SRRM2: variants seen among roughly 807,000 people sequenced by gnomAD.
SRRM2 encodes serine/arginine repetitive matrix protein 2.
Under a neutral mutation model 213.8 loss-of-function variants are expected in SRRM2, and 30 were observed. The observed-to-expected ratio is 0.14, with a 90% CI of 0.10 to 0.19. SRRM2 has a LOEUF of 0.19. Among genes scored for constraint, SRRM2 ranks in the 10% least tolerant of loss-of-function variants. SRRM2 has a pLI of 1.00. For missense variants in SRRM2, 4,904 were observed against 3,647.0 expected (o/e 1.34, Z -8.88); for synonymous variants, 2,025 against 1,377.7 (o/e 1.47, Z -10.40).
chr16:2,762,147 C>A lies in SRRM2; in HGVS notation c.1619C>A (p.Pro540Gln), dbSNP rs1283665046. ...RRGRSRSPQR[P>Q]GWSRSRNTQR... ...GGCCGCTCTAGGTCTCCTCAGCGAC[C>A]AGGCTGGTCTAGGAGCAGAAATACC... The change falls in exon 11 of 15, where the codon CCA becomes CAA. Residue 540 changes from proline to glutamine, a missense_variant. Physicochemically the swap from Pro to Gln is moderately conservative, Grantham distance 76. Coordinates refer to ENST00000301740, the MANE Select transcript of SRRM2 (RefSeq NM_016333.4). 1.2e-6 allele frequency: 2 copies of A among 1,614,084 alleles called. No homozygotes were observed. Among genetic ancestry groups the A allele is most frequent in the Non-Finnish European group, 1.7e-6 (2 of 1,180,044 alleles).
At position 2,765,194 on chromosome 16, in the gene SRRM2, A is replaced by G. The variant is rs1416537082; in HGVS notation, c.4666A>G (p.Arg1556Gly). ...GAAACCCAGTGCATCCCCTCAGGAA[A>G]GAAGTGAGTCAGACTCTTCTCCAGA... Reference protein sequence around the residue: ...DVKPSASPQERSESDSSPDSK... With the variant: ...DVKPSASPQEGSESDSSPDSK... Residue 1556 changes from arginine (R) to glycine (G), a missense_variant, in exon 11 of 15, where the codon AGA becomes GGA. Coordinates refer to ENST00000301740, the MANE Select transcript of SRRM2 (RefSeq NM_016333.4). 4 of 1,614,220 alleles carry G rather than the reference A, an allele frequency of 2.5e-6. No homozygotes were observed. In the Middle Eastern group the frequency reaches 4.9e-4, roughly 200 times the overall value.
Position 2,752,857 on chromosome 16 carries a change from G to C in SRRM2, c.-32+11G>C, listed in dbSNP as rs556359136. 3.1e-3 allele frequency: 734 copies of C among 233,572 alleles called. 1 individual carries two copies. The highest frequency in any genetic ancestry group is 0.017 in the African/African-American group (706 of 42,148). 14.5% of individuals were successfully genotyped at this position (233,572 alleles called of 1,614,324 possible). On this transcript the variant is annotated intron_variant, in intron 1 of 14. Transcript: ENST00000301740. Reference sequence around the variant, plus strand: ...GGGCGGAGGCGGCGGGTGAGAGGGTGAGGGAGCCAGCGAGCCGGGTGGGGG... The same window carrying C: ...GGGCGGAGGCGGCGGGTGAGAGGGTCAGGGAGCCAGCGAGCCGGGTGGGGG...
In SRRM2 at chr16:2,769,134, C is replaced by T. The variant is rs751806765; in HGVS notation, c.7871C>T (p.Ser2624Phe). The T allele has an allele frequency of 3.7e-6, 6 of 1,613,358 alleles. No homozygotes were observed. The highest frequency in any genetic ancestry group is 1.7e-4 in the Middle Eastern group (1 of 6,056). The change falls in exon 12 of 15, where the codon TCC becomes TTC. Residue 2624 changes from serine to phenylalanine, a missense_variant. Transcript: ENST00000301740. The part of the protein sequence containing the change: ...SSSSSSSSSS[S>F]SSSSSSSSSS... ...TCTTCATCTTCCTCCTCCTCCTCCT[C>T]CTCCTCTTCTTCCTCCTCCTCTTCC... is the stretch of plus-strand genomic sequence containing the variant.
rs773413323 is a variant in SRRM2, at chr16:2,765,886, A to G, written c.5358A>G (p.Arg1786=). Residue 1786 remains arginine, a synonymous_variant, in exon 11 of 15, where the codon CGA becomes CGG. Transcript: ENST00000301740. ...GGAGAGAGAAAACAAGAACAACCCG[A>G]CGTCGAGATAGGTCTGGATCTTCTC... is the stretch of plus-strand genomic sequence containing the variant. The part of the protein sequence containing the change: ...RSRREKTRTT[R]RRDRSGSSQS... 1.5e-5 allele frequency: 24 copies of G among 1,613,932 alleles called. No homozygotes were observed. In the South Asian group the frequency reaches 2.1e-4, roughly 14 times the overall value.
Position 2,766,302 on chromosome 16 carries a change from C to G in SRRM2, c.5774C>G (p.Ser1925Cys). 6.2e-7 allele frequency: 1 copy of G among 1,614,168 alleles called. No homozygotes were observed. Among genetic ancestry groups the G allele is most frequent in the Non-Finnish European group, 8.5e-7 (1 of 1,180,022 alleles). ...CCAGTGAGCAGAAGGCGATCCAGAT[C>G]CAGAACGCCACCAGTAACCCGCCGT... ...ASPVSRRRSR[S>C]RTPPVTRRRS... Residue 1925 changes from serine to cysteine, a missense_variant, in exon 11 of 15, where the codon TCC becomes TGC. Coordinates refer to ENST00000301740, the MANE Select transcript of SRRM2 (RefSeq NM_016333.4). The surrounding 1 kb of genome is among the most constrained non-coding windows in gnomAD (Gnocchi z 7.0).
In SRRM2 at chr16:2,764,076, A is replaced by G. The variant is rs549658396; in HGVS notation, c.3548A>G (p.Gln1183Arg). The change falls in exon 11 of 15, where the codon CAG becomes CGG. Residue 1183 changes from glutamine to arginine, a missense_variant. Transcript: ENST00000301740. ...GATGCTACTGCATCACCTCCTAGAC[A>G]GAAAGACAAATTTAGTCCCTTTCCA... ...QEDATASPPR[Q>R]KDKFSPFPVQ... 2 of 1,614,158 alleles carry G rather than the reference A, an allele frequency of 1.2e-6. No individual in the cohort carries two copies. The highest frequency in any genetic ancestry group is 3.3e-5 in the Admixed American group (2 of 60,026).
At position 2,764,063 on chromosome 16, in the gene SRRM2, T is replaced by C; in HGVS notation, c.3535T>C (p.Ser1179Pro). Residue 1179 changes from serine (S) to proline (P), a missense_variant, in exon 11 of 15, where the codon TCA (serine) becomes CCA (proline). Coordinates refer to ENST00000301740, the MANE Select transcript of SRRM2 (RefSeq NM_016333.4). The part of the protein sequence containing the change: ...ALPPQEDATA[S>P]PPRQKDKFSP... ...ACCCCCTCAGGAGGATGCTACTGCA[T>C]CACCTCCTAGACAGAAAGACAAATT... 1.2e-6 allele frequency: 2 copies of C among 1,614,086 alleles called. No homozygotes were observed. Among genetic ancestry groups the C allele is most frequent in the East Asian group, 2.2e-5 (1 of 44,882 alleles).
rs749532006 is a variant in SRRM2 at position 2,766,596 on chromosome 16, C to G, written c.6068C>G (p.Pro2023Arg). 2 of 1,614,058 alleles carry G rather than the reference C, an allele frequency of 1.2e-6. No homozygotes were observed. Among genetic ancestry groups the G allele is most frequent in the Admixed American group, 3.3e-5 (2 of 60,014 alleles). ...VTRRRSRSRTPPAIRRRSRSR... is the reference protein window; with the variant it reads ...VTRRRSRSRTRPAIRRRSRSR... ...CGCCGCCGCTCTAGGTCCCGGACAC[C>G]TCCAGCTATTCGGCGCCGCTCTAGA... is the stretch of plus-strand genomic sequence containing the variant. The change falls in exon 11 of 15, where the codon CCT becomes CGT. Residue 2023 changes from proline (P) to arginine (R), a missense_variant. By Grantham distance (103) the Pro-to-Arg change is moderately radical. Transcript: ENST00000301740. This position sits in a 1 kb window ranked among gnomAD's most constrained non-coding sequence, Gnocchi z 7.0.
In SRRM2 at chr16:2,763,410, C is replaced by G. The variant is rs780782115; in HGVS notation, c.2882C>G (p.Ser961Cys). ...RSVSPCSNVE[S>C]RLLPRYSHSG... is the part of the protein sequence containing the mutation. Reference sequence around the variant, plus strand: ...GTATCTCCCTGCTCCAATGTGGAATCCAGATTGTTGCCAAGATACAGTCAT... The same window carrying G: ...GTATCTCCCTGCTCCAATGTGGAATGCAGATTGTTGCCAAGATACAGTCAT... The change falls in exon 11 of 15, where the codon TCC becomes TGC. Residue 961 changes from serine (S) to cysteine (C), a missense_variant. Transcript: ENST00000301740. 6 of 1,614,230 alleles carry G rather than the reference C, an allele frequency of 3.7e-6. No homozygotes were observed. Among genetic ancestry groups the G allele is most frequent in the Non-Finnish European group, 4.2e-6 (5 of 1,180,042 alleles).
At chr16:2,756,230 C>T (rs1214858936) in intron 1 of SRRM2, 104 bp from the exon 2 acceptor site, 4 of 1,094,632 alleles carry the variant, frequency 3.7e-6, no homozygotes, top group South Asian at 1.7e-5. Context: ...GTGTGAAGAT[C>T]AATGTTGAAT....
chr16:2,760,680 A>G lies in SRRM2; in HGVS notation c.1032+181A>G, dbSNP rs1227685969. 6 of 641,240 alleles carry G rather than the reference A, an allele frequency of 9.4e-6. No individual in the cohort carries two copies. The African/African-American group carries it at 1.1e-4, about 12-fold the overall frequency. The allele number at this position is 641,240 out of a possible 1,614,324, so 39.7% of individuals were successfully genotyped here. The stretch of plus-strand genomic sequence containing the variant: ...ACTTTTAGTGTTGTTACTAGACTGA[A>G]TTGTGAACCCTTTAGAATCAAATCT... On this transcript the variant is annotated intron_variant, in intron 10 of 14. Coordinates refer to ENST00000301740, the MANE Select transcript of SRRM2 (RefSeq NM_016333.4).
intron 11 of SRRM2, chr16:2,768,707 C>T (rs2068629393): frequency 1.4e-6 from 1 of 696,718 alleles, no homozygotes; most frequent in Non-Finnish European, 2.6e-6. Context: ...GGAGACTACC[C>T]AGCTTCAGCT....
chr16:2,757,037 G>A (rs1168377529), intron 2 of SRRM2, among the ~76,000 whole-genome samples: 4 of 152,164 alleles, frequency 2.6e-5, no homozygotes, highest in Admixed American at 6.5e-5. Flanking sequence ...AATACGTGAA[G>A]AAGTGGGAAT....
rs759555104 is a variant in SRRM2, at chr16:2,767,392, C to A, written c.6864C>A (p.Arg2288=). Residue 2288 remains arginine (R), a synonymous_variant, in exon 11 of 15, where the codon CGC becomes CGA. Transcript: ENST00000301740. ...CGGCTGTGAACCTGGCTGACCCTCG[C>A]ACTCCCACAGCCCCAGCTGTGAACC... ...APSAVNLADP[R]TPTAPAVNLA... 7.4e-6 allele frequency: 12 copies of A among 1,613,974 alleles called. No individual in the cohort carries two copies. Among genetic ancestry groups the A allele is most frequent in the Non-Finnish European group, 9.3e-6 (11 of 1,180,032 alleles).
chr16:2,755,613 C>T (rs1438870443), intron 1 of SRRM2, among the ~76,000 whole-genome samples: 1 of 152,148 alleles, frequency 6.6e-6, no homozygotes, highest in African/African-American at 2.4e-5. Context: ...TTGATAGGAT[C>T]TTTAAATATT....
At chr16:2,760,847 CTT>C (rs2068319234) in intron 10 of SRRM2, 1 of 216,672 alleles carries the variant, frequency 4.6e-6, no homozygotes, top group Admixed American at 5.2e-5. Flanking sequence ...CTCACCAAAA[CTT>C]TTTAATCCAT....
At position 2,762,174 on chromosome 16, in the gene SRRM2, A is replaced by G. The variant is rs377737719; in HGVS notation, c.1646A>G (p.Gln549Arg). ...GGCTGGTCTAGGAGCAGAAATACCC[A>G]GAGAAGAGGCAGGTCTAGGTCAGCA... is the stretch of plus-strand genomic sequence containing the variant. ...RPGWSRSRNT[Q>R]RRGRSRSARR... Residue 549 changes from glutamine (Q) to arginine (R), a missense_variant, in exon 11 of 15, where the codon CAG becomes CGG. By Grantham distance (43) the Gln-to-Arg change is conservative. Coordinates refer to ENST00000301740, the MANE Select transcript of SRRM2 (RefSeq NM_016333.4). 1.2e-6 allele frequency: 2 copies of G among 1,614,006 alleles called. No individual in the cohort carries two copies. Among genetic ancestry groups the G allele is most frequent in the Non-Finnish European group, 1.7e-6 (2 of 1,179,972 alleles).
At chr16:2,770,546 G>A in intron 13 of SRRM2, 58 bp from the exon 14 acceptor site, 10 of 1,552,542 alleles carry the variant, frequency 6.4e-6, no homozygotes, top group Non-Finnish European at 8.7e-6. Context: ...TGCGGTTGTG[G>A]CTATGTGGTG....
rs1339337326 is a variant in SRRM2 at position 2,771,149 on chromosome 16, C to T, written c.*282C>T. ...AGGATACAGTTCAGGATACCCCAGC[C>T]TGGAGTCAGGGCCAGGGAGGCATGG... On this transcript the variant is annotated 3_prime_UTR_variant, in exon 15 of 15. Coordinates refer to ENST00000301740, the MANE Select transcript of SRRM2 (RefSeq NM_016333.4). 1 of 623,110 alleles carries T rather than the reference C, an allele frequency of 1.6e-6. No individual in the cohort carries two copies. The highest frequency in any genetic ancestry group is 2.8e-6 in the Non-Finnish European group (1 of 356,780). 38.6% of individuals were successfully genotyped at this position (623,110 alleles called of 1,614,324 possible).
Sources: allele counts gnomAD v4.1 joint callset (sites outside exome capture counted in the v4.1 genomes callset), GRCh38; gene constraint gnomAD v4.1.1; non-coding constraint Gnocchi (gnomAD v3.1); transcripts MANE v1.5; gene names NCBI Gene and HGNC (gene_info 2026-07-23, HGNC 2026-07-21).